DLG2: variants seen among roughly 807,000 people sequenced by gnomAD.
The protein encoded by DLG2 is discs large MAGUK scaffold protein 2.
A neutral mutation model predicts 132.5 loss-of-function variants in DLG2; 45 were observed. That is an observed-to-expected ratio of 0.34 (90% confidence interval 0.27 to 0.44). The LOEUF is 0.44. Among genes scored for constraint, DLG2 ranks in the 20% least tolerant of loss-of-function variants. The pLI, the probability that DLG2 is intolerant of heterozygous loss-of-function variation, is 1.00. For synonymous variants in DLG2, 424 were observed against 419.6 expected (o/e 1.01, Z -0.13); for missense variants, 1,045 against 1,196.9 (o/e 0.87, Z 1.87).
At chr11:84,603,815 G>A (rs532123974) in intron 6 of DLG2, among the ~76,000 whole-genome samples, 2 of 152,036 alleles carry the variant, frequency 1.3e-5, no homozygotes, top group South Asian at 2.1e-4. Flanking sequence ...AGGTATTGTG[G>A]GTACTCTGAT....
At chr11:85,181,280 A>G (rs1029677118) in intron 4 of DLG2, among the ~76,000 whole-genome samples, 5 of 151,686 alleles carry the variant, frequency 3.3e-5, no homozygotes, top group African/African-American at 1.2e-4. Context: ...GTGTATATAC[A>G]TAGAGGGAGA....
intron 3 of DLG2, among the ~76,000 whole-genome samples, chr11:85,465,461 C>T (rs1391055633): frequency 2.0e-5 from 3 of 152,086 alleles, no homozygotes; most frequent in African/African-American, 7.2e-5. Context: ...CCCGCTCCCC[C>T]CACCCCACAA....
At chr11:84,582,951 G>A (rs2099520140) in intron 6 of DLG2, among the ~76,000 whole-genome samples, 1 of 152,166 alleles carries the variant, frequency 6.6e-6, no homozygotes, top group Non-Finnish European at 1.5e-5. Context: ...TCCTAAAGGA[G>A]CTTCCTAATA....
chr11:85,380,126 A>G (rs76459706), intron 3 of DLG2, among the ~76,000 whole-genome samples: 65 of 152,232 alleles, frequency 4.3e-4, no homozygotes, highest in African/African-American at 1.5e-3. Context: ...CATTTGATGC[A>G]TAACTACTGA....
chr11:83,832,448 T>C (rs2054820047), intron 17 of DLG2, among the ~76,000 whole-genome samples: 2 of 152,158 alleles, frequency 1.3e-5, no homozygotes, highest in African/African-American at 4.8e-5. Context: ...AATAATGCCC[T>C]TTGCACCAAT....
intron 19 of DLG2, among the ~76,000 whole-genome samples, chr11:83,587,654 G>C (rs1023613148): frequency 6.6e-6 from 1 of 152,170 alleles, no homozygotes; most frequent in African/African-American, 2.4e-5. Context: ...GAGAGGAATA[G>C]GAACAGCTCC....
At chr11:83,824,616 T>TGTTAAAAAACACTTTATCAGCA (rs1178159250) in intron 17 of DLG2, among the ~76,000 whole-genome samples, 10 of 152,238 alleles carry the variant, frequency 6.6e-5, no homozygotes, top group Non-Finnish European at 1.2e-4. Context: ...TGTTAAATAA[T>TGTTAAAAAACACTTTATCAGCA]GTTAAAAAAC....
intron 18 of DLG2, among the ~76,000 whole-genome samples, chr11:83,755,321 T>C (rs2093601512): frequency 6.6e-6 from 1 of 151,244 alleles, no homozygotes; most frequent in Non-Finnish European, 1.5e-5. Flanking sequence ...GAGTTTGCGA[T>C]ATGTTTATCA....
chr11:85,461,631 T>C (rs565244576), intron 3 of DLG2, among the ~76,000 whole-genome samples: 1 of 152,316 alleles, frequency 6.6e-6, no homozygotes, highest in South Asian at 2.1e-4. Context: ...GCATGGGGAA[T>C]ACTCCTTGAT....
At position 85,382,352 on chromosome 11, in the gene DLG2, T is replaced by C. The variant is rs570569136; in HGVS notation, c.41-96987A>G. ...CAATTTGAACCTTTATTTCATACCATATGCAAAAATTAACACAAAATGGAT... is the reference window on the plus strand; with the variant it reads ...CAATTTGAACCTTTATTTCATACCACATGCAAAAATTAACACAAAATGGAT... On this transcript the variant is annotated intron_variant, in intron 3 of 27. Coordinates refer to ENST00000376104, the MANE Select transcript of DLG2 (RefSeq NM_001142699.3). Among the ~76,000 whole-genome samples the C allele has an allele frequency of 3.9e-5, 6 of 152,240 alleles. No individual in the cohort carries two copies. In the East Asian group the frequency reaches 5.8e-4, roughly 15 times the overall value.
At chr11:85,118,912 A>G (rs1275987318) in intron 5 of DLG2, among the ~76,000 whole-genome samples, 2 of 151,668 alleles carry the variant, frequency 1.3e-5, no homozygotes, top group Non-Finnish European at 2.9e-5. Flanking sequence ...TATATAACAT[A>G]TATGTCTAGG....
rs986735510 is a variant in DLG2, at chr11:84,300,385, C to G, written c.520-49094G>C. The stretch of plus-strand genomic sequence containing the variant: ...AAAAAAAAGAACATTCAGCTCTTTT[C>G]CTTCCAGAGAACAGACACAAGGAAA... On this transcript the variant is annotated intron_variant, in intron 7 of 27. Coordinates refer to ENST00000376104, the MANE Select transcript of DLG2 (RefSeq NM_001142699.3). 5.9e-5 allele frequency among the ~76,000 whole-genome samples: 9 copies of G among 152,252 alleles called. No homozygotes were observed. The South Asian group carries it at 1.9e-3, about 32-fold the overall frequency.
chr11:84,696,796 C>A lies in DLG2; in HGVS notation c.358-162065G>T, dbSNP rs1002126889. Among the ~76,000 whole-genome samples, 4 of 151,220 alleles carry A rather than the reference C, an allele frequency of 2.6e-5. No homozygotes were observed. The Admixed American group carries it at 2.6e-4, about 10-fold the overall frequency. On this transcript the variant is annotated intron_variant, in intron 6 of 27. Coordinates refer to ENST00000376104, the MANE Select transcript of DLG2 (RefSeq NM_001142699.3). Reference sequence around the variant, plus strand: ...AGAAGTGAGAAAGAATGTTAAGGAGCCTAAATTTGAGACCTCTTACCAAAT... The same window carrying A: ...AGAAGTGAGAAAGAATGTTAAGGAGACTAAATTTGAGACCTCTTACCAAAT...
chr11:84,670,148 TC>T (rs1783319379), intron 6 of DLG2, among the ~76,000 whole-genome samples: 1 of 152,048 alleles, frequency 6.6e-6, no homozygotes, highest in Admixed American at 6.6e-5. Flanking sequence ...ATAACATGGC[TC>T]AGGTCAATTC....
At chr11:84,490,102 AG>A (rs1457207132) in intron 7 of DLG2, among the ~76,000 whole-genome samples, 1 of 152,200 alleles carries the variant, frequency 6.6e-6, no homozygotes, top group Non-Finnish European at 1.5e-5. Context: ...CAAGAACACA[AG>A]CTCATTCCCA....
chr11:85,057,348 T>G (rs2063559209), intron 6 of DLG2, among the ~76,000 whole-genome samples: 1 of 151,252 alleles, frequency 6.6e-6, no homozygotes, highest in South Asian at 2.1e-4. Flanking sequence ...ATATTAGGAG[T>G]AAAAAATAAA....
chr11:84,701,853 T>C (rs2059259551), intron 6 of DLG2, among the ~76,000 whole-genome samples: 1 of 151,566 alleles, frequency 6.6e-6, no homozygotes, highest in Non-Finnish European at 1.5e-5. Flanking sequence ...TCACACCTTA[T>C]TTTTCTTCTT....
intron 6 of DLG2, among the ~76,000 whole-genome samples, chr11:85,109,126 A>G (rs2072295199): frequency 6.6e-6 from 1 of 152,104 alleles, no homozygotes; most frequent in African/African-American, 2.4e-5. Flanking sequence ...AGTCCTGGCC[A>G]AGGGCAGGCT....
chr11:84,699,325 A>C (rs956322890), intron 6 of DLG2, among the ~76,000 whole-genome samples: 2 of 151,594 alleles, frequency 1.3e-5, no homozygotes, highest in African/African-American at 2.4e-5. Context: ...AAAGAGTAGA[A>C]ATAATGTCGT....
Sources: gnomAD v4.1 joint callset for allele counts (sites outside exome capture counted in the v4.1 genomes callset) on GRCh38, gnomAD v4.1.1 for gene constraint, MANE v1.5 for transcripts, NCBI Gene and HGNC (gene_info 2026-07-23, HGNC 2026-07-21) for gene names.